Variants in PHLDB2 observed in about 807,000 individuals in gnomAD.
PHLDB2 encodes pleckstrin homology like domain family B member 2, also known as pleckstrin homology-like domain family B member 2.
In PHLDB2, 71 loss-of-function variants were observed where a neutral mutation model predicts 123.6. The observed-to-expected ratio is 0.57, with a 90% confidence interval of 0.47 to 0.70. The LOEUF (loss-of-function observed/expected upper bound fraction) is 0.70. Among genes scored for constraint, PHLDB2 ranks in the 30% least tolerant of loss-of-function variants. The probability of loss-of-function intolerance (pLI) is 0.00; values close to 1 mark genes in which losing one functional copy is unlikely to be tolerated. For missense variants in PHLDB2, 1,446 were observed against 1,519.5 expected (o/e 0.95, Z 0.80); for synonymous variants, 547 against 541.6 (o/e 1.01, Z -0.14).
chr3:111,859,944 G>C, intron 1 of PHLDB2: 1 of 982,610 alleles, frequency 1.0e-6, no homozygotes, highest in Non-Finnish European at 1.2e-6. Context: ...AAAAGCCCGG[G>C]CTGGGGTCGG....
intron 1 of PHLDB2, among the ~76,000 whole-genome samples, chr3:111,838,827 T>C (rs571594485): frequency 6.6e-6 from 1 of 152,322 alleles, no homozygotes; most frequent in South Asian, 2.1e-4. Context: ...GTGCTGAGCA[T>C]ATACTGACCT....
chr3:111,812,023 C>A (rs1174990689), intron 1 of PHLDB2, among the ~76,000 whole-genome samples: 1 of 152,138 alleles, frequency 6.6e-6, no homozygotes, highest in East Asian at 1.9e-4. Context: ...TTTCTTCTGG[C>A]CCTGCTATCA....
chr3:111,752,931 G>A (rs910582409), intron 1 of PHLDB2, among the ~76,000 whole-genome samples: 1 of 151,972 alleles, frequency 6.6e-6, no homozygotes, highest in Non-Finnish European at 1.5e-5. Flanking sequence ...AGTTTACTGA[G>A]AATCATGATT....
At chr3:111,829,803 A>G (rs564378301) in intron 1 of PHLDB2, among the ~76,000 whole-genome samples, 1 of 152,188 alleles carries the variant, frequency 6.6e-6, no homozygotes, top group East Asian at 1.9e-4. Flanking sequence ...TATATTATTT[A>G]ACTAGGTTCT....
chr3:111,856,110 A>G (rs2064495536), upstream of PHLDB2, among the ~76,000 whole-genome samples: 1 of 152,160 alleles, frequency 6.6e-6, no homozygotes. Context: ...TTCCATATAT[A>G]AGTCTTGGAG....
Position 111,740,692 on chromosome 3 carries a change from C to T in PHLDB2, c.-49+7989C>T, listed in dbSNP as rs865821890. On this transcript the variant is annotated intron_variant, in intron 1 of 17. Transcript: ENST00000393923. ...CACTTTTTAGAAGCCACAAAACTAA[C>T]AATCACCAAAAGTCACCCTTGGCTT... Among the ~76,000 whole-genome samples the T allele has an allele frequency of 2.4e-3, 279 of 114,380 alleles. 1 individual carries two copies. The highest frequency in any genetic ancestry group is 0.011 in the African/African-American group (267 of 24,342). The allele number at this position is 114,380 out of a possible 152,430, so 75.0% of individuals were successfully genotyped here.
intron 2 of PHLDB2, among the ~76,000 whole-genome samples, chr3:111,910,507 A>G (rs2067824665): frequency 6.6e-6 from 1 of 152,136 alleles, no homozygotes; most frequent in Admixed American, 6.6e-5. Context: ...CTTCAAAGAA[A>G]GTTTGGTTTT....
At chr3:111,735,645 A>G (rs963570304) in intron 1 of PHLDB2, among the ~76,000 whole-genome samples, 3 of 152,238 alleles carry the variant, frequency 2.0e-5, no homozygotes, top group Non-Finnish European at 1.5e-5. Context: ...CTGACCTTGC[A>G]TGAACTGTAC....
chr3:111,875,158 G>GT (rs749456988), intron 1 of PHLDB2, among the ~76,000 whole-genome samples: 40 of 149,780 alleles, frequency 2.7e-4, no homozygotes, highest in South Asian at 8.6e-4. Context: ...GATCAAGACT[G>GT]TTTTTTTTTG....
intron 1 of PHLDB2, among the ~76,000 whole-genome samples, chr3:111,770,168 A>T (rs2060150268): frequency 6.6e-6 from 1 of 152,218 alleles, no homozygotes; most frequent in African/African-American, 2.4e-5. Context: ...TTTCCCTTGT[A>T]GAAGGTGCTT....
intron 1 of PHLDB2, among the ~76,000 whole-genome samples, chr3:111,756,160 T>C (rs147700195): frequency 0.05 from 7,614 of 151,998 alleles, 654 homozygotes; most frequent in African/African-American, 0.17. Context: ...TCAGTAGATG[T>C]CTATTAGGTC....
rs187737524 is a variant in PHLDB2, at chr3:111,826,135, C to T, written c.-48-19686C>T. Among the ~76,000 whole-genome samples the T allele has an allele frequency of 2.5e-3, 379 of 151,918 alleles. 1 individual carries two copies. The highest frequency in any genetic ancestry group is 8.7e-3 in the African/African-American group (362 of 41,424). ...TGGCCAACATGGTGAAACCCCATCT[C>T]TACTAAAAATAAAAATAAAAAGAAT... On this transcript the variant is annotated intron_variant, in intron 1 of 17. Transcript: ENST00000393923.
intron 5 of PHLDB2, among the ~76,000 whole-genome samples, chr3:111,927,645 G>T (rs1385235568): frequency 1.3e-5 from 2 of 152,160 alleles, no homozygotes; most frequent in Admixed American, 6.5e-5. Context: ...ATTTTGTATT[G>T]TAATTATGTC....
intron 1 of PHLDB2, among the ~76,000 whole-genome samples, chr3:111,780,332 A>G (rs2060381387): frequency 8.8e-5 from 1 of 11,304 alleles, no homozygotes; most frequent in African/African-American, 1.2e-4. Context: ...GAAGAAGAAG[A>G]AGAAGAAGAA....
intron 1 of PHLDB2, among the ~76,000 whole-genome samples, chr3:111,742,801 T>G (rs1184257622): frequency 1.3e-5 from 2 of 152,160 alleles, no homozygotes; most frequent in Non-Finnish European, 2.9e-5. Context: ...AGCAGCATGA[T>G]TTATCAAATA....
intron 1 of PHLDB2, among the ~76,000 whole-genome samples, chr3:111,839,690 GA>G (rs1398684400): frequency 6.6e-6 from 1 of 151,504 alleles, no homozygotes; most frequent in Non-Finnish European, 1.5e-5. Flanking sequence ...TAATCTCTAG[GA>G]AAAAAATGTT....
rs2072043468 is a variant in PHLDB2 at position 111,969,697 on chromosome 3, C to G, written c.3323C>G (p.Pro1108Arg). The change falls in exon 16 of 18, where the codon CCT becomes CGT. Residue 1108 changes from proline to arginine, a missense_variant. Physicochemically the swap from Pro to Arg is moderately radical, Grantham distance 103. Transcript: ENST00000431670. ...GGTTTTGCACTTTTCCAGGCTCGTC[C>G]TTTGACACGCTACCTGCCTGTCCGG... ...IRERQRAQAR[P>R]LTRYLPVRKE... is the part of the protein sequence containing the mutation. 6.2e-7 allele frequency: 1 copy of G among 1,613,808 alleles called. No homozygotes were observed. The highest frequency in any genetic ancestry group is 2.2e-5 in the East Asian group (1 of 44,882).
chr3:111,904,244 C>T (rs1226492134), intron 2 of PHLDB2, among the ~76,000 whole-genome samples: 4 of 115,936 alleles, frequency 3.5e-5, no homozygotes, highest in Non-Finnish European at 6.5e-5. Flanking sequence ...CAACACTGCA[C>T]TATAGCCTGG....
chr3:111,949,586 A>G (rs1015021993), intron 10 of PHLDB2: 24 of 497,582 alleles, frequency 4.8e-5, no homozygotes, highest in Middle Eastern at 9.9e-4. Context: ...ATTGCCCATC[A>G]ATTGTAACTT....
Sources: gnomAD v4.1 joint callset for allele counts (sites outside exome capture counted in the v4.1 genomes callset) on GRCh38, gnomAD v4.1.1 for gene constraint, MANE v1.5 for transcripts, NCBI Gene and HGNC (gene_info 2026-07-23, HGNC 2026-07-21) for gene names.